The following PRLR variants were observed in gnomAD, a reference collection of about 807,000 sequenced individuals.
PRLR encodes hPRL receptor.
A neutral mutation model predicts 40.2 loss-of-function variants in PRLR; 13 were observed. The observed-to-expected ratio is 0.32, with a 90% confidence interval of 0.21 to 0.51. The LOEUF (loss-of-function observed/expected upper bound fraction) is 0.51. Ranked by LOEUF, PRLR falls within the 20% of genes least tolerant of loss-of-function variation. PRLR has a pLI of 0.97. For missense variants in PRLR, 656 were observed against 747.3 expected (o/e 0.88, Z 1.42); for synonymous variants, 269 against 278.7 (o/e 0.97, Z 0.35).
At chr5:35,067,925 A>G (rs1223453772) in intron 9 of PRLR, among the ~76,000 whole-genome samples, 1 of 152,208 alleles carries the variant, frequency 6.6e-6, no homozygotes, top group East Asian at 1.9e-4. Context: ...TAAATTGATT[A>G]TTTGTATAAA....
chr5:35,156,906 T>C (rs1471744780), intron 1 of PRLR, among the ~76,000 whole-genome samples: 1 of 152,044 alleles, frequency 6.6e-6, no homozygotes, highest in African/African-American at 2.4e-5. Context: ...GCTGGGTGGG[T>C]CTGCTTTTCA....
chr5:35,222,195 C>T (rs1261573165), intron 1 of PRLR, among the ~76,000 whole-genome samples: 3 of 151,730 alleles, frequency 2.0e-5, no homozygotes, highest in African/African-American at 4.8e-5. Context: ...CCCAGCTACT[C>T]GGGAGGCTGA....
At chr5:35,189,761 C>T (rs1775550153) in intron 1 of PRLR, among the ~76,000 whole-genome samples, 1 of 152,058 alleles carries the variant, frequency 6.6e-6, no homozygotes, top group African/African-American at 2.4e-5. Flanking sequence ...CCTCTTCAGC[C>T]TTAGGTTCGT....
intron 6 of PRLR, 33 bp from the exon 7 acceptor site, chr5:35,070,298 C>T (rs1345615325): frequency 2.5e-6 from 4 of 1,609,550 alleles, no homozygotes; most frequent in Admixed American, 1.7e-5. Flanking sequence ...GAAGTCAATT[C>T]TAACATTTGT....
At chr5:35,139,925 C>T (rs1435471280) in intron 1 of PRLR, among the ~76,000 whole-genome samples, 2 of 54,552 alleles carry the variant, frequency 3.7e-5, no homozygotes, top group Admixed American at 2.5e-4. Flanking sequence ...GTTAAAATAT[C>T]ATTTAGAAAT....
At chr5:35,123,365 T>C (rs1053983522) in intron 1 of PRLR, among the ~76,000 whole-genome samples, 4 of 152,216 alleles carry the variant, frequency 2.6e-5, no homozygotes, top group Non-Finnish European at 4.4e-5. Context: ...AGAACCAAGC[T>C]TCTTAATAGG....
intron 1 of PRLR, among the ~76,000 whole-genome samples, chr5:35,163,686 A>T (rs552956505): frequency 9.2e-5 from 14 of 152,364 alleles, no homozygotes; most frequent in African/African-American, 3.4e-4. Flanking sequence ...TTGTACATGT[A>T]AATTGAATAA....
chr5:35,225,988 G>C (rs1258546259), intron 1 of PRLR, among the ~76,000 whole-genome samples: 1 of 152,166 alleles, frequency 6.6e-6, no homozygotes, highest in Admixed American at 6.5e-5. Context: ...GGCCAAGACA[G>C]TTTACTTTTT....
intron 2 of PRLR, among the ~76,000 whole-genome samples, chr5:35,106,971 T>G (rs1462972898): frequency 6.6e-6 from 1 of 152,176 alleles, no homozygotes; most frequent in African/African-American, 2.4e-5. Flanking sequence ...ACCACATAGT[T>G]GGAAGTAAAG....
At position 35,205,561 on chromosome 5, in the gene PRLR, C is replaced by T. The variant is rs188977974; in HGVS notation, c.-106+24707G>A. 1.8e-3 allele frequency among the ~76,000 whole-genome samples: 278 copies of T among 152,014 alleles called. 2 individuals carry two copies. Among genetic ancestry groups the T allele is most frequent in the Middle Eastern group, 0.01 (3 of 294 alleles). On this transcript the variant is annotated intron_variant, in intron 1 of 9. Coordinates refer to ENST00000618457, the MANE Select transcript of PRLR (RefSeq NM_000949.7). ...TATCTGTATGAAAATTCTCAACTCT[C>T]AGAAAACAATGAAATTGGATGTTAG...
intron 1 of PRLR, among the ~76,000 whole-genome samples, chr5:35,189,113 A>C (rs7720754): frequency 2.2e-4 from 33 of 152,182 alleles, no homozygotes; most frequent in African/African-American, 7.7e-4. Context: ...AGCACCACAC[A>C]ACGATGAAAG....
chr5:35,078,535 C>G (rs558320165), intron 5 of PRLR, among the ~76,000 whole-genome samples: 1 of 152,050 alleles, frequency 6.6e-6, no homozygotes, highest in African/African-American at 2.4e-5. Flanking sequence ...AGACCAATAA[C>G]AGGCTCTGAA....
At chr5:35,182,520 A>G (rs1055499718) in intron 1 of PRLR, among the ~76,000 whole-genome samples, 1 of 152,224 alleles carries the variant, frequency 6.6e-6, no homozygotes, top group Non-Finnish European at 1.5e-5. Flanking sequence ...GGGAGCATGA[A>G]ATAAGCTCAT....
At chr5:35,128,868 C>A (rs537136026) in intron 1 of PRLR, among the ~76,000 whole-genome samples, 2 of 152,262 alleles carry the variant, frequency 1.3e-5, no homozygotes, top group East Asian at 3.9e-4. Context: ...ATAATTGGCT[C>A]TCTGCTTATC....
intron 1 of PRLR, among the ~76,000 whole-genome samples, chr5:35,159,856 C>T (rs1051757611): frequency 6.6e-6 from 1 of 152,202 alleles, no homozygotes; most frequent in African/African-American, 2.4e-5. Flanking sequence ...CCGCATTTGT[C>T]AGAAGGAATT....
At chr5:35,115,745 G>C (rs1213734385) in intron 2 of PRLR, among the ~76,000 whole-genome samples, 2 of 151,978 alleles carry the variant, frequency 1.3e-5, no homozygotes, top group Non-Finnish European at 2.9e-5. Context: ...TATGGGGCAC[G>C]AGGGAGTGAT....
rs1161335351 is a variant in PRLR, at chr5:35,084,543, G to C, written c.300C>G (p.Ile100Met). ...TCTGGTTAGTGGCATTGACCATCAT[G>C]ATGTATGTCCTCCACATGGAGGTGT... ...KQYTSMWRTY[I>M]MMVNATNQMG... Residue 100 changes from isoleucine (I) to methionine (M), a missense_variant, in exon 5 of 10, where the codon ATC (isoleucine) becomes ATG (methionine). Coordinates refer to ENST00000618457, the MANE Select transcript of PRLR (RefSeq NM_000949.7). 1.2e-6 allele frequency: 2 copies of C among 1,604,586 alleles called. No homozygotes were observed. The highest frequency in any genetic ancestry group is 1.7e-5 in the Admixed American group (1 of 57,368).
rs148096787 is a variant in PRLR at position 35,065,346 on chromosome 5, C to G, written c.1612G>C (p.Gly538Arg). ...TACTCCTTATTGTTCTCAGGAGTCCCGGGCTTCTTGGGCTTGCCGCTGTTC... is the reference window on the plus strand; with the variant it reads ...TACTCCTTATTGTTCTCAGGAGTCCGGGGCTTCTTGGGCTTGCCGCTGTTC... Reference protein sequence around the residue: ...RENSGKPKKPGTPENNKEYAK... With the variant: ...RENSGKPKKPRTPENNKEYAK... The change falls in exon 10 of 10, where the codon GGG (glycine) becomes CGG (arginine). Residue 538 changes from glycine to arginine, a missense_variant. Physicochemically the swap from Gly to Arg is moderately radical, Grantham distance 125 (BLOSUM62 -2). This residue lies in a region of PRLR where 469 missense variants were observed against 491.5 expected (regional missense o/e 0.95). Coordinates refer to ENST00000618457, the MANE Select transcript of PRLR (RefSeq NM_000949.7). 6.2e-7 allele frequency: 1 copy of G among 1,614,090 alleles called. No individual in the cohort carries two copies. Among genetic ancestry groups the G allele is most frequent in the Admixed American group, 1.7e-5 (1 of 60,008 alleles).
At chr5:35,216,326 A>T (rs1289846519) in intron 1 of PRLR, among the ~76,000 whole-genome samples, 1 of 152,122 alleles carries the variant, frequency 6.6e-6, no homozygotes, top group Non-Finnish European at 1.5e-5. Flanking sequence ...GTTCTTTGGT[A>T]TATTCTCAGG....
Sources: allele counts gnomAD v4.1 joint callset (sites outside exome capture counted in the v4.1 genomes callset), GRCh38; gene constraint gnomAD v4.1.1; regional missense constraint gnomAD v4.1.1; transcripts MANE v1.5; gene names NCBI Gene and HGNC (gene_info 2026-07-23, HGNC 2026-07-21).